The following RIMS1 variants were observed in gnomAD, a reference collection of about 807,000 sequenced individuals.
The protein encoded by RIMS1 is regulating synaptic membrane exocytosis 1.
RIMS1 carries 83 observed loss-of-function variants against 214.1 expected under a neutral mutation model. That is an observed-to-expected ratio of 0.39 (90% CI 0.32 to 0.47). RIMS1 has a LOEUF of 0.47. RIMS1 is among the 20% of genes least tolerant of loss of function. The pLI is 0.99. For synonymous variants in RIMS1, 793 were observed against 786.8 expected (o/e 1.01, Z -0.13); for missense variants, 2,050 against 2,161.8 (o/e 0.95, Z 1.03).
intron 28 of RIMS1, among the ~76,000 whole-genome samples, chr6:72,315,710 G>C (rs78051577): frequency 0.07 from 10,541 of 151,532 alleles, 490 homozygotes; most frequent in Non-Finnish European, 0.1. Context: ...CACACACACA[G>C]AGACACACAA....
intron 2 of RIMS1, among the ~76,000 whole-genome samples, chr6:72,072,992 A>C (rs1375515389): frequency 1.3e-5 from 2 of 152,236 alleles, no homozygotes; most frequent in African/African-American, 4.8e-5. Flanking sequence ...AAGAAAAATA[A>C]AACAATATTT....
intron 29 of RIMS1, among the ~76,000 whole-genome samples, chr6:72,341,891 C>T (rs1316845582): frequency 6.6e-6 from 1 of 151,726 alleles, no homozygotes; most frequent in Non-Finnish European, 1.5e-5. Flanking sequence ...AATATCTTTT[C>T]TCCAAATACT....
intron 4 of RIMS1, among the ~76,000 whole-genome samples, chr6:72,159,424 T>C (rs1335667307): frequency 7.1e-6 from 1 of 141,216 alleles, no homozygotes; most frequent in African/African-American, 2.5e-5. Context: ...TTGGCTTTTG[T>C]TGCCATTGCT....
At chr6:72,172,502 TAA>T (rs1256822056) in intron 4 of RIMS1, among the ~76,000 whole-genome samples, 1 of 152,110 alleles carries the variant, frequency 6.6e-6, no homozygotes, top group Non-Finnish European at 1.5e-5. Flanking sequence ...CATATAAAAA[TAA>T]AGGAAGATAC....
At position 72,233,838 on chromosome 6, in the gene RIMS1, T is replaced by G. The variant is rs377567871; in HGVS notation, c.1744T>G (p.Ser582Ala). The change falls in exon 7 of 34, where the codon TCG becomes GCG. Residue 582 changes from serine to alanine, a missense_variant and splice_region_variant. Around this residue, in one of 6 missense-constraint regions of RIMS1, gnomAD observed 882 missense variants for 828.9 expected, o/e 1.06. Coordinates refer to ENST00000521978, the MANE Select transcript of RIMS1 (RefSeq NM_014989.7). ...CAGCCGGGAGACATCACCTATTAGT[T>G]CGGTAAGTTTTCTGGAAAGTGTGTT... ...WHSRETSPISSHPVTWQPSKE... is the reference protein window; with the variant it reads ...WHSRETSPISAHPVTWQPSKE... The G allele has an allele frequency of 1.1e-4, 180 of 1,572,552 alleles. No homozygotes were observed. The highest frequency in any genetic ancestry group is 1.5e-4 in the Non-Finnish European group (174 of 1,156,248).
intron 28 of RIMS1, among the ~76,000 whole-genome samples, chr6:72,331,102 C>T (rs902275656): frequency 9.2e-5 from 14 of 151,496 alleles, no homozygotes; most frequent in Non-Finnish European, 1.3e-4. Context: ...ATTGGATACC[C>T]GTGAAATAAA....
At chr6:71,890,710 G>T (rs1176475998) in intron 1 of RIMS1, among the ~76,000 whole-genome samples, 1 of 151,788 alleles carries the variant, frequency 6.6e-6, no homozygotes, top group South Asian at 2.1e-4. Context: ...ATGTAAATAG[G>T]TAACATTTAT....
chr6:72,021,374 A>G (rs143734027), intron 2 of RIMS1, among the ~76,000 whole-genome samples: 2 of 152,322 alleles, frequency 1.3e-5, no homozygotes, highest in African/African-American at 2.4e-5. Flanking sequence ...GATGAACAGT[A>G]TTTGCCAGTG....
rs573726434 is a variant in RIMS1, at chr6:72,266,843, G to A, written c.3398+794G>A. Among the ~76,000 whole-genome samples the A allele has an allele frequency of 1.4e-3, 213 of 152,098 alleles. 2 individuals carry two copies. The highest frequency in any genetic ancestry group is 4.6e-3 in the African/African-American group (193 of 41,532). ...AATGGCTATCTCTTTTTAATTAGAA[G>A]TCATTCAGAAGACATTTGCATACTA... On this transcript the variant is annotated intron_variant, in intron 22 of 33. Coordinates refer to ENST00000521978, the MANE Select transcript of RIMS1 (RefSeq NM_014989.7).
intron 2 of RIMS1, among the ~76,000 whole-genome samples, chr6:71,980,368 T>A (rs993067069): frequency 1.3e-5 from 2 of 152,154 alleles, no homozygotes; most frequent in Non-Finnish European, 2.9e-5. Flanking sequence ...AATGCACTCA[T>A]GTATTATATG....
chr6:72,013,301 T>C (rs943827898), intron 2 of RIMS1, among the ~76,000 whole-genome samples: 5 of 152,214 alleles, frequency 3.3e-5, no homozygotes, highest in Admixed American at 6.5e-5. Context: ...AAATATTATG[T>C]CATAATAAGT....
intron 31 of RIMS1, among the ~76,000 whole-genome samples, chr6:72,395,196 G>A (rs898382029): frequency 1.3e-5 from 2 of 151,942 alleles, no homozygotes; most frequent in African/African-American, 4.8e-5. Flanking sequence ...TACTCTAATA[G>A]GAGCCTAAAA....
chr6:72,240,696 T>C (rs1432093296), intron 9 of RIMS1, among the ~76,000 whole-genome samples: 1 of 144,252 alleles, frequency 6.9e-6, no homozygotes, highest in Admixed American at 7.3e-5. Flanking sequence ...CTTTTCTAGG[T>C]AACAGCTTAG....
At chr6:72,036,088 C>T (rs540827582) in intron 2 of RIMS1, among the ~76,000 whole-genome samples, 1 of 152,184 alleles carries the variant, frequency 6.6e-6, no homozygotes, top group South Asian at 2.1e-4. Flanking sequence ...TAAAATTCTG[C>T]CAACAGTTTA....
chr6:72,100,004 C>G lies in RIMS1; in HGVS notation c.471+18C>G. ...ACAAAGTGGTTAGAATCCATACTTT[C>G]TTTTCTATCATTTGTTATTGTATTG... On this transcript the variant is annotated intron_variant, in intron 4 of 33. Coordinates refer to ENST00000521978, the MANE Select transcript of RIMS1 (RefSeq NM_014989.7). The G allele has an allele frequency of 6.3e-7, 1 of 1,586,770 alleles. No individual in the cohort carries two copies. The highest frequency in any genetic ancestry group is 8.6e-7 in the Non-Finnish European group (1 of 1,156,592).
At chr6:72,282,068 C>A (rs1276488312) in intron 23 of RIMS1, among the ~76,000 whole-genome samples, 1 of 151,858 alleles carries the variant, frequency 6.6e-6, no homozygotes, top group Non-Finnish European at 1.5e-5. Flanking sequence ...ATTTTAATGA[C>A]AGTAAGTTTT....
At chr6:72,168,733 T>G (rs2046620903) in intron 4 of RIMS1, among the ~76,000 whole-genome samples, 1 of 150,880 alleles carries the variant, frequency 6.6e-6, no homozygotes, top group Admixed American at 6.6e-5. Flanking sequence ...TTTTTTTTTT[T>G]TTTTTTTTTT....
chr6:72,155,758 A>G (rs2044355835), intron 4 of RIMS1, among the ~76,000 whole-genome samples: 1 of 140,176 alleles, frequency 7.1e-6, no homozygotes, highest in African/African-American at 2.5e-5. Context: ...CCATAATTCA[A>G]TCACCTCCCA....
At position 72,160,857 on chromosome 6, in the gene RIMS1, G is replaced by T. The variant is rs544872226; in HGVS notation, c.472-18718G>T. Among the ~76,000 whole-genome samples, 18 of 140,042 alleles carry T rather than the reference G, an allele frequency of 1.3e-4. 1 individual carries two copies. Among genetic ancestry groups the T allele is most frequent in the African/African-American group, 4.4e-4 (18 of 40,624 alleles). The allele number at this position is 140,042 out of a possible 152,430, so 91.9% of individuals were successfully genotyped here. ...GTCTGAAATTCTCTTTTTTTGTTGT[G>T]TCTCTGCCAGGCTTTGGTATCAGGA... On this transcript the variant is annotated intron_variant, in intron 4 of 33. Transcript: ENST00000521978.
Sources: allele counts gnomAD v4.1 joint callset (sites outside exome capture counted in the v4.1 genomes callset), GRCh38; gene constraint gnomAD v4.1.1; regional missense constraint gnomAD v4.1.1; transcripts MANE v1.5; gene names NCBI Gene and HGNC (gene_info 2026-07-23, HGNC 2026-07-21).